Variants in HPSE2 observed in about 807,000 individuals in gnomAD.
HPSE2 encodes the protein heparanase 2 (inactive).
HPSE2 carries 38 observed loss-of-function variants against 60.5 expected under a neutral mutation model. That is an observed-to-expected ratio of 0.63 (90% confidence interval 0.48 to 0.82). The LOEUF (loss-of-function observed/expected upper bound fraction) is 0.82, where lower values mean the gene tolerates loss of function less well. HPSE2 is among the 40% of genes least tolerant of loss of function. The pLI, the probability that HPSE2 is intolerant of heterozygous loss-of-function variation, is 0.00. For synonymous variants in HPSE2, 295 were observed against 293.2 expected (o/e 1.01, Z -0.06); for missense variants, 713 against 740.4 (o/e 0.96, Z 0.43).
intron 2 of HPSE2, among the ~76,000 whole-genome samples, chr10:99,164,061 T>C (rs1406486856): frequency 6.6e-6 from 1 of 151,502 alleles, no homozygotes; most frequent in African/African-American, 2.4e-5. Context: ...CATTATTCTG[T>C]AAACTTTTGC....
intron 3 of HPSE2, among the ~76,000 whole-genome samples, chr10:98,894,483 T>C (rs1272625834): frequency 2.0e-5 from 3 of 151,780 alleles, no homozygotes; most frequent in Non-Finnish European, 4.4e-5. Flanking sequence ...TTAAACAGAA[T>C]GGGAAAGCAA....
chr10:99,108,635 G>A (rs1253668791), intron 3 of HPSE2, among the ~76,000 whole-genome samples: 1 of 152,056 alleles, frequency 6.6e-6, no homozygotes, highest in Non-Finnish European at 1.5e-5. Flanking sequence ...ACTACCAATA[G>A]CCATCAAAAA....
At chr10:98,928,925 A>T in intron 3 of HPSE2, among the ~76,000 whole-genome samples, 1 of 140,946 alleles carries the variant, frequency 7.1e-6, no homozygotes, top group East Asian at 2.0e-4. Flanking sequence ...CCAGCATAGC[A>T]CATGTATACA....
At chr10:98,790,215 T>C (rs190587393) in intron 3 of HPSE2, among the ~76,000 whole-genome samples, 1 of 152,268 alleles carries the variant, frequency 6.6e-6, no homozygotes, top group African/African-American at 2.4e-5. Context: ...CACATTTTAT[T>C]TATTCATTCC....
Position 99,203,163 on chromosome 10 carries a change from T to C in HPSE2, c.448+29185A>G, listed in dbSNP as rs150769234. Reference sequence around the variant, plus strand: ...AGCAGTCCCAGGCTTCAGACCAGCCTCAGCACTAGCCTGGCCCAACCCCAG... The same window carrying C: ...AGCAGTCCCAGGCTTCAGACCAGCCCCAGCACTAGCCTGGCCCAACCCCAG... On this transcript the variant is annotated intron_variant, in intron 2 of 11. Coordinates refer to ENST00000370552, the MANE Select transcript of HPSE2 (RefSeq NM_021828.5). 1.4e-3 allele frequency among the ~76,000 whole-genome samples: 217 copies of C among 151,668 alleles called. 1 individual carries two copies. Among genetic ancestry groups the C allele is most frequent in the African/African-American group, 4.7e-3 (193 of 41,376 alleles).
chr10:99,141,006 C>T (rs1230672524), intron 3 of HPSE2, among the ~76,000 whole-genome samples: 1 of 152,148 alleles, frequency 6.6e-6, no homozygotes. Context: ...CACTGCACTC[C>T]AGCCTGGGTG....
In HPSE2 at chr10:98,503,882, G is replaced by A. The variant is rs753400447; in HGVS notation, c.1321-13686C>T. Reference sequence around the variant, plus strand: ...TGGGAAGAGTGGGAGGGGAGCAAGCGATACAAGACTACAAATAGGGTGCAG... The same window carrying A: ...TGGGAAGAGTGGGAGGGGAGCAAGCAATACAAGACTACAAATAGGGTGCAG... On this transcript the variant is annotated intron_variant, in intron 9 of 11. Coordinates refer to ENST00000370552, the MANE Select transcript of HPSE2 (RefSeq NM_021828.5). Among the ~76,000 whole-genome samples the A allele has an allele frequency of 2.0e-5, 3 of 152,252 alleles. No homozygotes were observed. The East Asian group carries it at 5.8e-4, about 29-fold the overall frequency.
intron 3 of HPSE2, among the ~76,000 whole-genome samples, chr10:98,814,206 T>C (rs1214235508): frequency 6.6e-6 from 1 of 152,000 alleles, no homozygotes; most frequent in South Asian, 2.1e-4. Context: ...TTTAATGTTT[T>C]TAATAAAATT....
chr10:98,763,516 T>G (rs1049054256), intron 3 of HPSE2, among the ~76,000 whole-genome samples: 67 of 75,258 alleles, frequency 8.9e-4, no homozygotes, highest in Non-Finnish European at 3.3e-4. Context: ...GATCATGTAC[T>G]TCTCATGTGT....
intron 5 of HPSE2, among the ~76,000 whole-genome samples, chr10:98,702,414 T>TTAACAAGGA (rs1177897872): frequency 2.0e-5 from 3 of 151,844 alleles, no homozygotes; most frequent in Non-Finnish European, 4.4e-5. Context: ...AGACAGAAAA[T>TTAACAAGGA]TAACAAGGAT....
At chr10:99,235,421 T>C in intron 1 of HPSE2, 92 bp downstream of exon 1, 2 of 1,213,066 alleles carry the variant, frequency 1.6e-6, no homozygotes, top group Non-Finnish European at 2.4e-6. Context: ...CTTGGCTTAT[T>C]TTCTTCTTTC....
chr10:98,681,421 C>T (rs939924888), intron 6 of HPSE2, among the ~76,000 whole-genome samples: 8 of 151,974 alleles, frequency 5.3e-5, no homozygotes, highest in African/African-American at 1.9e-4. Context: ...TAATATTTTC[C>T]AAATGACCAA....
At chr10:98,494,792 G>A (rs890517779) in intron 9 of HPSE2, among the ~76,000 whole-genome samples, 7 of 152,098 alleles carry the variant, frequency 4.6e-5, no homozygotes, top group Admixed American at 4.6e-4. Context: ...AACAAAAATT[G>A]GAGTTACAAA....
chr10:98,706,568 T>G (rs1393323134), intron 5 of HPSE2, among the ~76,000 whole-genome samples: 2 of 152,218 alleles, frequency 1.3e-5, no homozygotes, highest in Non-Finnish European at 2.9e-5. Flanking sequence ...GAGGAGCAGT[T>G]AGGTCTGCCT....
chr10:99,054,379 T>C (rs1482236356), intron 3 of HPSE2, among the ~76,000 whole-genome samples: 1 of 152,158 alleles, frequency 6.6e-6, no homozygotes, highest in Non-Finnish European at 1.5e-5. Flanking sequence ...TGGCATTCAG[T>C]TGAGACATCA....
chr10:98,861,207 A>T (rs1314311010), intron 3 of HPSE2, among the ~76,000 whole-genome samples: 1 of 152,222 alleles, frequency 6.6e-6, no homozygotes, highest in Non-Finnish European at 1.5e-5. Context: ...GCAAGCCTTA[A>T]GTATAGCCAA....
intron 3 of HPSE2, among the ~76,000 whole-genome samples, chr10:99,080,222 GTTTGAGT>G (rs1362629867): frequency 6.7e-6 from 1 of 149,836 alleles, no homozygotes; most frequent in Admixed American, 6.6e-5. Context: ...AAAAAATTCT[GTTTGAGT>G]TTTAAGTTGT....
chr10:99,306,764 C>A, the HPSE2 span, among the ~76,000 whole-genome samples: 1 of 152,150 alleles, frequency 6.6e-6, no homozygotes, highest in Non-Finnish European at 1.5e-5. Context: ...GGCTGGAGTA[C>A]AATGGCGCGA....
At chr10:98,686,506 A>ACT (rs1310604331) in intron 6 of HPSE2, among the ~76,000 whole-genome samples, 1 of 151,926 alleles carries the variant, frequency 6.6e-6, no homozygotes, top group African/African-American at 2.4e-5. Context: ...GATTCAAGGG[A>ACT]CCCTCCTACC....
Sources: gnomAD v4.1 joint callset for allele counts (sites outside exome capture counted in the v4.1 genomes callset) on GRCh38, gnomAD v4.1.1 for gene constraint, MANE v1.5 for transcripts, NCBI Gene and HGNC (gene_info 2026-07-23, HGNC 2026-07-21) for gene names.